RUFY3: variants seen among roughly 807,000 people sequenced by gnomAD.
RUFY3 encodes the protein protein RUFY3.
Under a neutral mutation model 84.0 loss-of-function variants are expected in RUFY3, and 34 were observed. That is an observed-to-expected ratio of 0.40 (90% confidence interval 0.31 to 0.54). The LOEUF is 0.54. Ranked by LOEUF, RUFY3 falls within the 20% of genes least tolerant of loss-of-function variation. The pLI is 0.39. For missense variants in RUFY3, 507 were observed against 736.8 expected, an observed-to-expected ratio of 0.69 and a Z score of 3.61; for synonymous variants, 242 against 252.9, an observed-to-expected ratio of 0.96 and a Z score of 0.41.
intron 1 of RUFY3, among the ~76,000 whole-genome samples, chr4:70,754,395 G>A (rs1723640302): frequency 6.6e-6 from 1 of 152,072 alleles, no homozygotes; most frequent in African/African-American, 2.4e-5. Flanking sequence ...TTTCAATCCA[G>A]AGAAAATGTT....
chr4:70,801,529 A>G (rs1221250867), intron 15 of RUFY3, among the ~76,000 whole-genome samples: 1 of 152,230 alleles, frequency 6.6e-6, no homozygotes, highest in Non-Finnish European at 1.5e-5. Context: ...GGTCTACTTT[A>G]AAAGGTGGAG....
Position 70,762,697 on chromosome 4 carries a change from G to T in RUFY3, c.352+5G>T. The T allele has an allele frequency of 6.2e-7, 1 of 1,605,248 alleles. No homozygotes were observed. The highest frequency in any genetic ancestry group is 2.2e-5 in the East Asian group (1 of 44,620). The stretch of plus-strand genomic sequence containing the variant: ...GTCTGAAACATGGCTTGAAAGGTAG[G>T]CCATCACCCCAAAATGCAAATATGC... On this transcript the variant is annotated splice_donor_5th_base_variant and intron_variant, in intron 2 of 17. Coordinates refer to ENST00000381006, the MANE Select transcript of RUFY3 (RefSeq NM_001037442.4).
intron 1 of RUFY3, among the ~76,000 whole-genome samples, chr4:70,742,937 T>C (rs1046661440): frequency 2.0e-5 from 3 of 152,176 alleles, no homozygotes; most frequent in African/African-American, 7.2e-5. Flanking sequence ...TGATTACATA[T>C]AGTTCAGTGA....
intron 1 of RUFY3, among the ~76,000 whole-genome samples, chr4:70,716,478 A>G (rs1741636291): frequency 6.6e-6 from 1 of 152,122 alleles, no homozygotes; most frequent in African/African-American, 2.4e-5. Flanking sequence ...GCATTGGAAC[A>G]CTACCTTGTA....
intron 1 of RUFY3, 129 bp downstream of exon 1, chr4:70,722,880 CCTTA>C: frequency 1.3e-6 from 1 of 792,354 alleles, no homozygotes; most frequent in Non-Finnish European, 1.9e-6. Context: ...AACCTTGCAT[CCTTA>C]CTTACCACCC....
At chr4:70,708,878 CA>C (rs1307954315) in intron 1 of RUFY3, among the ~76,000 whole-genome samples, 46 of 149,512 alleles carry the variant, frequency 3.1e-4, no homozygotes, top group Admixed American at 2.0e-3. Context: ...TCTGTCTCTA[CA>C]AAAAAAAAAT....
chr4:70,769,023 T>G (rs1339117572), intron 5 of RUFY3, among the ~76,000 whole-genome samples: 1 of 152,104 alleles, frequency 6.6e-6, no homozygotes, highest in African/African-American at 2.4e-5. Context: ...ATAAAGCAAG[T>G]CACATGCATT....
At chr4:70,770,003 G>A (rs1299817213) in intron 5 of RUFY3, among the ~76,000 whole-genome samples, 1 of 152,012 alleles carries the variant, frequency 6.6e-6, no homozygotes, top group Non-Finnish European at 1.5e-5. Context: ...TTTATTTATA[G>A]TAGAGATGGG....
intron 1 of RUFY3, among the ~76,000 whole-genome samples, chr4:70,740,484 A>G (rs1721157706): frequency 6.6e-6 from 1 of 152,182 alleles, no homozygotes; most frequent in African/African-American, 2.4e-5. Context: ...ATTTTGCTTT[A>G]CTAAGGTAGG....
intron 1 of RUFY3, among the ~76,000 whole-genome samples, chr4:70,733,745 A>G (rs911851135): frequency 1.1e-4 from 16 of 152,240 alleles, no homozygotes; most frequent in African/African-American, 3.6e-4. Context: ...TTTTTTAAGT[A>G]TAGGTATACA....
Position 70,802,992 on chromosome 4 carries a change from G to T in RUFY3, c.1650+9G>T. On this transcript the variant is annotated intron_variant, in intron 16 of 17. Transcript: ENST00000381006. The stretch of plus-strand genomic sequence containing the variant: ...ACCCTATGGATGAACAGGTAACAGA[G>T]CCTCCTGTTTCAAAACATCTTGTAT... 1 of 1,604,846 alleles carries T rather than the reference G, an allele frequency of 6.2e-7. No homozygotes were observed. The highest frequency in any genetic ancestry group is 1.1e-5 in the South Asian group (1 of 89,816).
intron 1 of RUFY3, among the ~76,000 whole-genome samples, chr4:70,758,683 C>A (rs564143625): frequency 6.6e-6 from 1 of 151,450 alleles, no homozygotes; most frequent in Non-Finnish European, 1.5e-5. Flanking sequence ...GCCTCAAACA[C>A]TTATTTATTA....
chr4:70,720,626 T>G (rs1323166249), upstream of RUFY3, among the ~76,000 whole-genome samples: 1 of 152,226 alleles, frequency 6.6e-6, no homozygotes, highest in Non-Finnish European at 1.5e-5. Flanking sequence ...TTTTTTAGTT[T>G]TCAGAAATTA....
chr4:70,750,610 G>A (rs554294305), intron 1 of RUFY3, among the ~76,000 whole-genome samples: 1 of 152,238 alleles, frequency 6.6e-6, no homozygotes, highest in African/African-American at 2.4e-5. Flanking sequence ...TCACAAAGCT[G>A]TGCATCCATC....
At chr4:70,704,680 G>T, upstream of RUFY3, 2 of 275,896 alleles carry the variant, frequency 7.2e-6, no homozygotes, top group Non-Finnish European at 6.7e-6. Flanking sequence ...GCCGGGGCGG[G>T]AGGGGCTGGA....
chr4:70,740,135 T>C (rs983759573), intron 1 of RUFY3, among the ~76,000 whole-genome samples: 3 of 152,114 alleles, frequency 2.0e-5, no homozygotes, highest in South Asian at 2.1e-4. Context: ...ACATAGTGAC[T>C]CAAAGGACCT....
intron 1 of RUFY3, among the ~76,000 whole-genome samples, chr4:70,707,592 G>C (rs1321391545): frequency 6.6e-6 from 1 of 151,798 alleles, no homozygotes; most frequent in Admixed American, 6.6e-5. Context: ...TTTCCTCATG[G>C]TCTTTATTTT....
At chr4:70,718,729 C>CT (rs59240584), upstream of RUFY3, among the ~76,000 whole-genome samples, 4,109 of 147,752 alleles carry the variant, frequency 0.028, 69 homozygotes, top group Non-Finnish European at 0.04. Flanking sequence ...TATCTAAAAT[C>CT]TTTTTTTTTT....
chr4:70,747,683 T>C (rs905501360), intron 1 of RUFY3, among the ~76,000 whole-genome samples: 2 of 152,176 alleles, frequency 1.3e-5, no homozygotes, highest in African/African-American at 2.4e-5. Flanking sequence ...ACTCTCTAAG[T>C]CCAAACTTCC....
Sources: gnomAD v4.1 joint callset for allele counts (sites outside exome capture counted in the v4.1 genomes callset) on GRCh38, gnomAD v4.1.1 for gene constraint, MANE v1.5 for transcripts, NCBI Gene and HGNC (gene_info 2026-07-23, HGNC 2026-07-21) for gene names.